PDE9A: variants seen among roughly 807,000 people sequenced by gnomAD.
PDE9A encodes the protein phosphodiesterase 9A, also known as high affinity cGMP-specific 3',5'-cyclic phosphodiesterase 9A.
Under a neutral mutation model 87.4 loss-of-function variants are expected in PDE9A, and 60 were observed. The ratio of observed to expected loss-of-function variants is 0.69; its 90% CI spans 0.56 to 0.85. The LOEUF is 0.85. Among genes scored for constraint, PDE9A ranks in the 40% least tolerant of loss-of-function variants. The probability of loss-of-function intolerance (pLI) is 0.00; values close to 1 mark genes in which losing one functional copy is unlikely to be tolerated. For missense variants in PDE9A, 665 were observed against 779.0 expected (o/e 0.85, Z 1.74); for synonymous variants, 272 against 279.4 (o/e 0.97, Z 0.27).
intron 1 of PDE9A, among the ~76,000 whole-genome samples, chr21:42,657,992 A>G (rs2269128): frequency 0.048 from 7,322 of 152,336 alleles, 372 homozygotes; most frequent in East Asian, 0.29. Context: ...CGCGCTAGAA[A>G]GTGTTCAAGC....
intron 3 of PDE9A, among the ~76,000 whole-genome samples, chr21:42,697,115 G>A (rs1348302080): frequency 6.6e-6 from 1 of 152,054 alleles, no homozygotes; most frequent in Non-Finnish European, 1.5e-5. Flanking sequence ...CATTCATAGG[G>A]TGAGGGGAGA....
chr21:42,701,257 T>G lies in PDE9A; in HGVS notation c.262+2246T>G, dbSNP rs925166142. 13 of 152,186 alleles carry G rather than the reference T, an allele frequency of 8.5e-5. No homozygotes were observed. In the East Asian group the frequency reaches 2.1e-3, roughly 25 times the overall value. The allele number at this position is 152,186 out of a possible 1,614,324, so 9.4% of individuals were successfully genotyped here. On this transcript the variant is annotated intron_variant, in intron 4 of 19. Coordinates refer to ENST00000291539, the MANE Select transcript of PDE9A (RefSeq NM_002606.3). ...TTTTTTTCATTTCAATTTCCGGTAG[T>G]TTTTAGTTTATAGGAATTGGCTTCT...
chr21:42,653,924 G>C, intron 1 of PDE9A, 41 bp downstream of exon 1: 1 of 1,246,344 alleles, frequency 8.0e-7, no homozygotes, highest in Non-Finnish European at 1.1e-6. Flanking sequence ...CTCCCCCCGG[G>C]TGACAGCGCC....
In PDE9A at chr21:42,687,812, T is replaced by C. The variant is rs1602057292; in HGVS notation, c.141-105T>C. 9.3e-6 allele frequency: 9 copies of C among 968,974 alleles called. No homozygotes were observed. In the East Asian group the frequency reaches 2.0e-4, roughly 21 times the overall value. The allele number at this position is 968,974 out of a possible 1,614,324, so 60.0% of individuals were successfully genotyped here. On this transcript the variant is annotated intron_variant, in intron 2 of 19. Transcript: ENST00000291539. Reference sequence around the variant, plus strand: ...CACCACACCTTGGTCAGGCTGGTCCTGGGACTGTCCTGGTTGTCTCAGGGC... The same window carrying C: ...CACCACACCTTGGTCAGGCTGGTCCCGGGACTGTCCTGGTTGTCTCAGGGC...
At position 42,759,681 on chromosome 21, in the gene PDE9A, A is replaced by G. The variant is rs1034548520; in HGVS notation, c.897+596A>G. Among the ~76,000 whole-genome samples, 89 of 143,436 alleles carry G rather than the reference A, an allele frequency of 6.2e-4. No homozygotes were observed. Among genetic ancestry groups the G allele is most frequent in the Non-Finnish European group, 1.0e-3 (67 of 65,726 alleles). The allele number at this position is 143,436 out of a possible 152,430, so 94.1% of individuals were successfully genotyped here. On this transcript the variant is annotated intron_variant, in intron 11 of 19. Transcript: ENST00000291539. The surrounding 1 kb of genome is among the most constrained non-coding windows in gnomAD (Gnocchi z 7.2). ...TGTCAGTGTGGATGTGTGCATGTGT[A>G]TATCTGGATGTGGGGTGTGTCTGTG...
intron 9 of PDE9A, 64 bp from the exon 10 acceptor site, chr21:42,753,926 A>C: frequency 1.3e-6 from 1 of 786,550 alleles, no homozygotes; most frequent in African/African-American, 1.8e-5. Context: ...GAAATATCTC[A>C]GCATGCACAT....
intron 3 of PDE9A, among the ~76,000 whole-genome samples, chr21:42,690,451 CTCTA>C (rs960531987): frequency 3.3e-5 from 5 of 152,192 alleles, no homozygotes; most frequent in Admixed American, 2.6e-4. Flanking sequence ...GCTTCAGATG[CTCTA>C]TCTATGATCG....
Position 42,751,120 on chromosome 21 carries a change from A to C in PDE9A, c.658A>C (p.Asn220His). The C allele has an allele frequency of 6.2e-7, 1 of 1,606,192 alleles. No homozygotes were observed. The highest frequency in any genetic ancestry group is 1.1e-5 in the South Asian group (1 of 90,904). The change falls in exon 9 of 20, where the codon AAC (asparagine) becomes CAC (histidine). Residue 220 changes from asparagine (N) to histidine (H), a missense_variant. Transcript: ENST00000291539. ...EELAARSSRT[N>H]CPCKYSFLDN... The stretch of plus-strand genomic sequence containing the variant: ...ATCTCTGCTCCTTCTCTCTAGGACC[A>C]ACTGCCCCTGTAAGTACAGTTTTTT...
At position 42,723,595 on chromosome 21, in the gene PDE9A, C is replaced by T. The variant is rs1569202914; in HGVS notation, c.263-8175C>T. On this transcript the variant is annotated intron_variant, in intron 4 of 19. Coordinates refer to ENST00000291539, the MANE Select transcript of PDE9A (RefSeq NM_002606.3). The surrounding 1 kb of genome is among the most constrained non-coding windows in gnomAD (Gnocchi z 4.3). ...AGCAGCACCATGAAATCCACTCTAG[C>T]ATGCAGACTCGGGGGCACTTTTAGA... Among the ~76,000 whole-genome samples, 1 of 152,194 alleles carries T rather than the reference C, an allele frequency of 6.6e-6. No individual in the cohort carries two copies. Among genetic ancestry groups the T allele is most frequent in the Non-Finnish European group, 1.5e-5 (1 of 68,040 alleles).
Position 42,693,056 on chromosome 21 carries a change from G to A in PDE9A, c.218+5062G>A, listed in dbSNP as rs1238010880. On this transcript the variant is annotated intron_variant, in intron 3 of 19. Coordinates refer to ENST00000291539, the MANE Select transcript of PDE9A (RefSeq NM_002606.3). Reference sequence around the variant, plus strand: ...AAGGGGCCGTGGGAAGGCTGGGCAGGTGGCTGCTCAGAGCCCCACCTGACA... The same window carrying A: ...AAGGGGCCGTGGGAAGGCTGGGCAGATGGCTGCTCAGAGCCCCACCTGACA... Among the ~76,000 whole-genome samples the A allele has an allele frequency of 2.0e-5, 3 of 152,232 alleles. No individual in the cohort carries two copies. In the East Asian group the frequency reaches 5.8e-4, roughly 29 times the overall value.
At chr21:42,658,581 G>A (rs537855385) in intron 1 of PDE9A, among the ~76,000 whole-genome samples, 5 of 152,282 alleles carry the variant, frequency 3.3e-5, no homozygotes, top group Non-Finnish European at 7.4e-5. Context: ...GCCCACACGC[G>A]CAGTGCCCTT....
rs1024285471 is a variant in PDE9A, at chr21:42,692,785, CCCTCTTCCTCT to C, written c.218+4796_218+4806del. Among the ~76,000 whole-genome samples the C allele has an allele frequency of 8.9e-4, 135 of 152,300 alleles. No homozygotes were observed. Among genetic ancestry groups the C allele is most frequent in the African/African-American group, 3.0e-3 (126 of 41,570 alleles). ...GGCCCTGCCTCCCCCTTGGCTTCTCCCCTCTTCCTCTCCTCCACTCGGTGCCTGGTGACATG... is the reference window on the plus strand; with the variant it reads ...GGCCCTGCCTCCCCCTTGGCTTCTCCCCTCCACTCGGTGCCTGGTGACATG... On this transcript the variant is annotated intron_variant, in intron 3 of 19. Coordinates refer to ENST00000291539, the MANE Select transcript of PDE9A (RefSeq NM_002606.3). This position sits in a 1 kb window ranked among gnomAD's most constrained non-coding sequence, Gnocchi z 4.3.
chr21:42,737,399 C>T (rs567279288), intron 7 of PDE9A, among the ~76,000 whole-genome samples: 7 of 152,312 alleles, frequency 4.6e-5, no homozygotes, highest in African/African-American at 1.2e-4. Flanking sequence ...CCCACACATG[C>T]GCACACACAG....
At chr21:42,707,570 A>T (rs948795554) in intron 4 of PDE9A, among the ~76,000 whole-genome samples, 1 of 151,916 alleles carries the variant, frequency 6.6e-6, no homozygotes, top group Non-Finnish European at 1.5e-5. Context: ...TCCATGCCTC[A>T]ATCCCCCACT....
At position 42,759,828 on chromosome 21, in the gene PDE9A, T is replaced by TG. The variant is rs2055504482; in HGVS notation, c.898-496dup. ...ATGTGTGCATGTGTGTGTGTGGATG[T>TG]GGGGTGTGTGAGTGTGTGGTGTGTG... On this transcript the variant is annotated intron_variant, in intron 11 of 19. Transcript: ENST00000291539. The surrounding 1 kb of genome is among the most constrained non-coding windows in gnomAD (Gnocchi z 7.2). 6.8e-6 allele frequency among the ~76,000 whole-genome samples: 1 copy of TG among 147,212 alleles called. No homozygotes were observed. Among genetic ancestry groups the TG allele is most frequent in the Non-Finnish European group, 1.5e-5 (1 of 66,646 alleles).
At chr21:42,731,629 A>T in intron 4 of PDE9A, 141 bp from the exon 5 acceptor site, 1 of 850,044 alleles carries the variant, frequency 1.2e-6, no homozygotes, top group Non-Finnish European at 1.8e-6. Flanking sequence ...CCCCGTGCAG[A>T]CCCGCCGTGA....
rs1315399882 is a variant in PDE9A at position 42,696,260 on chromosome 21, C to G, written c.219-2708C>G. 6.6e-6 allele frequency among the ~76,000 whole-genome samples: 1 copy of G among 152,172 alleles called. No homozygotes were observed. The highest frequency in any genetic ancestry group is 1.5e-5 in the Non-Finnish European group (1 of 68,024). On this transcript the variant is annotated intron_variant, in intron 3 of 19. Transcript: ENST00000291539. This position sits in a 1 kb window ranked among gnomAD's most constrained non-coding sequence, Gnocchi z 5.1. The stretch of plus-strand genomic sequence containing the variant: ...TGCGTGGGAGAAGTTGCTGGACACG[C>G]CTCTCTGGCTCTGTCCCCGCCGGCA...
chr21:42,664,015 C>T (rs2057786710), intron 1 of PDE9A, among the ~76,000 whole-genome samples: 1 of 152,218 alleles, frequency 6.6e-6, no homozygotes, highest in South Asian at 2.1e-4. Flanking sequence ...TGTCCTCAGA[C>T]AATGGATCAG....
intron 1 of PDE9A, among the ~76,000 whole-genome samples, chr21:42,654,339 G>A (rs760535211): frequency 6.6e-6 from 1 of 152,084 alleles, no homozygotes; most frequent in African/African-American, 2.4e-5. Flanking sequence ...TGCAGAGGGG[G>A]ACTCGGGCCG....
Sources: allele counts gnomAD v4.1 joint callset (sites outside exome capture counted in the v4.1 genomes callset), GRCh38; gene constraint gnomAD v4.1.1; non-coding constraint Gnocchi (gnomAD v3.1); transcripts MANE v1.5; gene names NCBI Gene and HGNC (gene_info 2026-07-23, HGNC 2026-07-21).